DCC: variants seen among roughly 807,000 people sequenced by gnomAD.
The protein encoded by DCC is netrin receptor DCC.
DCC carries 58 observed loss-of-function variants against 172.5 expected under a neutral mutation model. The ratio of observed to expected loss-of-function variants is 0.34; its 90% CI spans 0.27 to 0.42. The LOEUF (loss-of-function observed/expected upper bound fraction) is 0.42, where lower values mean the gene tolerates loss of function less well. Ranked by LOEUF, DCC falls within the 10% of genes least tolerant of loss-of-function variation. The pLI, the probability that DCC is intolerant of heterozygous loss-of-function variation, is 1.00. For missense variants in DCC, 1,740 were observed against 1,791.0 expected (o/e 0.97, Z 0.51); for synonymous variants, 709 against 644.5 (o/e 1.10, Z -1.52).
At chr18:53,510,472 T>C (rs1207413429) in intron 27 of DCC, among the ~76,000 whole-genome samples, 1 of 152,174 alleles carries the variant, frequency 6.6e-6, no homozygotes, top group African/African-American at 2.4e-5. Flanking sequence ...TTATCATAAA[T>C]CATTTATTGG....
intron 1 of DCC, among the ~76,000 whole-genome samples, chr18:52,498,655 A>C (rs1327542075): frequency 6.6e-6 from 1 of 152,136 alleles, no homozygotes; most frequent in South Asian, 2.1e-4. Context: ...TAATAAAATA[A>C]AATAATGAAT....
chr18:53,197,778 T>C (rs919588117), intron 9 of DCC, among the ~76,000 whole-genome samples: 1 of 152,052 alleles, frequency 6.6e-6, no homozygotes, highest in African/African-American at 2.4e-5. Context: ...GTTCTGATTA[T>C]TGCAAATATC....
intron 3 of DCC, among the ~76,000 whole-genome samples, chr18:52,922,121 AC>A (rs1568188470): frequency 1.3e-5 from 2 of 152,186 alleles, no homozygotes; most frequent in Non-Finnish European, 2.9e-5. Context: ...ACATTTTTCT[AC>A]AGTATTGATA....
At chr18:53,486,674 A>T in intron 25 of DCC, 123 bp from the exon 26 acceptor site, 1 of 1,295,772 alleles carries the variant, frequency 7.7e-7, no homozygotes, top group Non-Finnish European at 1.1e-6. Context: ...AAGTAAGGGA[A>T]CCTAGTTGAT....
At chr18:53,529,234 C>T (rs1242440901) in intron 28 of DCC, among the ~76,000 whole-genome samples, 1 of 152,126 alleles carries the variant, frequency 6.6e-6, no homozygotes, top group Non-Finnish European at 1.5e-5. Context: ...ACATTTTGAG[C>T]TGTTTTTTCA....
At position 52,995,777 on chromosome 18, in the gene DCC, G is replaced by A. The variant is rs2041467895; in HGVS notation, c.986-67528G>A. 3.9e-5 allele frequency among the ~76,000 whole-genome samples: 6 copies of A among 151,978 alleles called. 1 individual carries two copies. The highest frequency in any genetic ancestry group is 3.9e-4 in the Admixed American group (6 of 15,240). On this transcript the variant is annotated intron_variant, in intron 5 of 28. Coordinates refer to ENST00000442544, the MANE Select transcript of DCC (RefSeq NM_005215.4). ...CTTTCTTTCAGTCTCTGTGGGAGGA[G>A]AGGAGCCTAACTTCAGTAAGTATCA... is the stretch of plus-strand genomic sequence containing the variant.
intron 27 of DCC, among the ~76,000 whole-genome samples, chr18:53,503,703 ATTTGTCTTCTAGAGATG>A (rs2046133031): frequency 1.3e-5 from 2 of 152,274 alleles, no homozygotes; most frequent in African/African-American, 4.8e-5. Flanking sequence ...TTAGGAGACC[ATTTGTCTTCTAGAGATG>A]TAATTCTAAA....
intron 1 of DCC, among the ~76,000 whole-genome samples, chr18:52,740,307 C>G (rs998279437): frequency 6.6e-6 from 1 of 152,108 alleles, no homozygotes; most frequent in Non-Finnish European, 1.5e-5. Context: ...TGCTTAGTTC[C>G]AAAGCTGATG....
chr18:53,201,643 A>G (rs2055539028), intron 9 of DCC, among the ~76,000 whole-genome samples: 1 of 152,284 alleles, frequency 6.6e-6, no homozygotes, highest in Non-Finnish European at 1.5e-5. Flanking sequence ...ATATTAGTGG[A>G]CACATTTTTG....
At chr18:53,351,252 C>T (rs1446691561) in intron 15 of DCC, among the ~76,000 whole-genome samples, 1 of 125,856 alleles carries the variant, frequency 7.9e-6, no homozygotes, top group African/African-American at 2.9e-5. Flanking sequence ...TGTATATTAG[C>T]ATTGAACAGG....
intron 1 of DCC, among the ~76,000 whole-genome samples, chr18:52,720,221 C>G (rs1413895344): frequency 6.6e-6 from 1 of 152,038 alleles, no homozygotes; most frequent in Non-Finnish European, 1.5e-5. Context: ...CTGTAGAGCT[C>G]CATCATCCAT....
chr18:53,533,070 A>G lies in DCC; in HGVS notation c.*2417A>G, dbSNP rs1287570323. On this transcript the variant is annotated 3_prime_UTR_variant, in exon 29 of 29. Transcript: ENST00000442544. Reference sequence around the variant, plus strand: ...ATACAATCAATTTAAACATCCTCAAAAAACTCTAGTATCATTTACCTGGTA... The same window carrying G: ...ATACAATCAATTTAAACATCCTCAAGAAACTCTAGTATCATTTACCTGGTA... 6.6e-6 allele frequency: 1 copy of G among 152,166 alleles called. No homozygotes were observed. Among genetic ancestry groups the G allele is most frequent in the African/African-American group, 2.4e-5 (1 of 41,436 alleles). The allele number at this position is 152,166 out of a possible 1,614,324, so 9.4% of individuals were successfully genotyped here. A position where few individuals can be genotyped will look rare whatever the true frequency, so the allele number is the denominator to read the frequency against.
At chr18:52,452,629 G>T (rs956982495) in intron 1 of DCC, among the ~76,000 whole-genome samples, 2 of 152,176 alleles carry the variant, frequency 1.3e-5, no homozygotes, top group Admixed American at 1.3e-4. Flanking sequence ...ACTGGGTTTT[G>T]CAATAAGTGC....
chr18:53,431,557 G>C (rs535696015), intron 21 of DCC, among the ~76,000 whole-genome samples: 1 of 151,438 alleles, frequency 6.6e-6, no homozygotes, highest in Non-Finnish European at 1.5e-5. Context: ...TCGCAGTCTC[G>C]GCTCACTGCA....
intron 2 of DCC, among the ~76,000 whole-genome samples, chr18:52,785,017 C>A (rs957871250): frequency 6.6e-6 from 1 of 151,532 alleles, no homozygotes; most frequent in African/African-American, 2.4e-5. Flanking sequence ...TATAGGAAGG[C>A]TGGAGAAGGT....
In DCC at chr18:53,307,889, GTGTGTA is replaced by G. The variant is rs140688360; in HGVS notation, c.2053+2174_2053+2179del. Among the ~76,000 whole-genome samples the G allele has an allele frequency of 1.6e-3, 60 of 38,110 alleles. 1 individual carries two copies. Among genetic ancestry groups the G allele is most frequent in the African/African-American group, 2.5e-3 (42 of 16,806 alleles). 25.0% of individuals were successfully genotyped at this position (38,110 alleles called of 152,430 possible). ...CCATAACCCTTCTGGAAAGCAATGT[GTGTGTA>G]TGTATATATATATATATATATATAT... On this transcript the variant is annotated intron_variant, in intron 13 of 28. Coordinates refer to ENST00000442544, the MANE Select transcript of DCC (RefSeq NM_005215.4).
chr18:52,768,217 C>T (rs889585333), intron 2 of DCC, among the ~76,000 whole-genome samples: 1 of 152,144 alleles, frequency 6.6e-6, no homozygotes, highest in Non-Finnish European at 1.5e-5. Context: ...TCTGGCTTGA[C>T]ATTTAGAGTG....
chr18:53,307,895 A>ATG (rs1568045251), intron 13 of DCC, among the ~76,000 whole-genome samples: 1 of 16,564 alleles, frequency 6.0e-5, no homozygotes, highest in East Asian at 6.8e-3. Flanking sequence ...ATGTGTGTGT[A>ATG]TGTATATATA....
intron 1 of DCC, among the ~76,000 whole-genome samples, chr18:52,687,101 A>G (rs554030309): frequency 5.3e-5 from 8 of 152,180 alleles, no homozygotes; most frequent in African/African-American, 1.7e-4. Flanking sequence ...ACCCTCCCCC[A>G]TAACCTTTAC....
Sources: allele counts gnomAD v4.1 joint callset (sites outside exome capture counted in the v4.1 genomes callset), GRCh38; gene constraint gnomAD v4.1.1; transcripts MANE v1.5; gene names NCBI Gene and HGNC (gene_info 2026-07-23, HGNC 2026-07-21).